RRP12: variants seen among roughly 807,000 people sequenced by gnomAD.
The protein encoded by RRP12 is ribosomal RNA processing 12 homolog, also known as RRP12-like protein.
RRP12 carries 78 observed loss-of-function variants against 157.3 expected under a neutral mutation model. The observed-to-expected ratio is 0.50, with a 90% CI of 0.41 to 0.60. The LOEUF (loss-of-function observed/expected upper bound fraction) is 0.60. RRP12 is among the 20% of genes least tolerant of loss of function. RRP12 has a pLI of 0.00. For synonymous variants in RRP12, 726 were observed against 670.9 expected (o/e 1.08, Z -1.27); for missense variants, 1,521 against 1,679.9 (o/e 0.91, Z 1.65).
chr10:97,392,165 T>C (rs1564768775), intron 4 of RRP12, among the ~76,000 whole-genome samples: 2 of 151,966 alleles, frequency 1.3e-5, no homozygotes, highest in African/African-American at 2.4e-5. Context: ...AGAGACAAGG[T>C]TTTGCCATGT....
At chr10:97,367,183 C>T in intron 25 of RRP12, 51 bp from the exon 26 acceptor site, 2 of 1,492,304 alleles carry the variant, frequency 1.3e-6, no homozygotes, top group Non-Finnish European at 9.3e-7. Flanking sequence ...CCATGCTGCG[C>T]CCCCTTTACT....
intron 1 of RRP12, among the ~76,000 whole-genome samples, chr10:97,400,877 G>A (rs565441130): frequency 1.3e-5 from 2 of 152,188 alleles, no homozygotes; most frequent in African/African-American, 4.8e-5. Flanking sequence ...TGACACCCGC[G>A]GTACCTTACA....
chr10:97,389,205 T>G (rs1308110892), intron 6 of RRP12, among the ~76,000 whole-genome samples: 6 of 152,120 alleles, frequency 3.9e-5, no homozygotes, highest in Non-Finnish European at 7.4e-5. Flanking sequence ...GCCATTCTCC[T>G]GCCTCCGCCT....
rs1844606672 is a variant in RRP12 at position 97,385,540 on chromosome 10, A to G, written c.1117-283T>C. 3.3e-5 allele frequency among the ~76,000 whole-genome samples: 5 copies of G among 151,614 alleles called. No homozygotes were observed. In the South Asian group the frequency reaches 1.0e-3, roughly 32 times the overall value. ...CCAGAGGCCTTCTTTGAAAAAAAAA[A>G]ACGTACATTTTGCTAACAATTTGGG... On this transcript the variant is annotated intron_variant, in intron 9 of 33. Transcript: ENST00000370992.
In RRP12 at chr10:97,371,073, G is replaced by A. The variant is rs773341429; in HGVS notation, c.2352C>T (p.Ala784=). The part of the protein sequence containing the change: ...STIRPYLESK[A]HGVQKKAYRV... The stretch of plus-strand genomic sequence containing the variant: ...GGTAGGCCTTCTTCTGCACCCCGTG[G>A]GCCTTGCTCTGGCAGACAGGAACCG... The change falls in exon 21 of 34, where the codon GCC becomes GCT. Residue 784 remains alanine (A), a synonymous_variant. Transcript: ENST00000370992. The A allele has an allele frequency of 1.9e-6, 3 of 1,613,398 alleles. No homozygotes were observed. The highest frequency in any genetic ancestry group is 2.2e-5 in the South Asian group (2 of 90,974).
chr10:97,390,932 A>G, intron 4 of RRP12, 88 bp from the exon 5 acceptor site: 1 of 863,790 alleles, frequency 1.2e-6, no homozygotes, highest in Non-Finnish European at 2.0e-6. Flanking sequence ...GGACAGGGCA[A>G]GGGGCGCTGG....
chr10:97,358,762 C>T, intron 32 of RRP12, 143 bp from the exon 33 acceptor site: 1 of 796,650 alleles, frequency 1.3e-6, no homozygotes, highest in East Asian at 2.5e-5. Flanking sequence ...GAAGGCCATT[C>T]AATAAGGTCC....
At chr10:97,394,609 C>T (rs1027061125) in intron 3 of RRP12, among the ~76,000 whole-genome samples, 14 of 152,082 alleles carry the variant, frequency 9.2e-5, no homozygotes, top group African/African-American at 2.9e-4. Flanking sequence ...AGGCTGGTGT[C>T]GAACTCCTAG....
At chr10:97,362,042 G>A (rs142340104) in intron 30 of RRP12, among the ~76,000 whole-genome samples, 8,125 of 151,550 alleles carry the variant, frequency 0.054, 279 homozygotes, top group Non-Finnish European at 0.063. Context: ...GGGAGGGGGA[G>A]GTTGCAGTGA....
chr10:97,396,330 T>C (rs949697045), intron 2 of RRP12, 29 bp from the exon 3 acceptor site: 1 of 1,574,152 alleles, frequency 6.4e-7, no homozygotes, highest in African/African-American at 1.4e-5. Context: ...GCACTGTGAC[T>C]ATTTTAGACC....
intron 8 of RRP12, among the ~76,000 whole-genome samples, chr10:97,386,205 A>G (rs1844626940): frequency 6.6e-6 from 1 of 152,148 alleles, no homozygotes; most frequent in African/African-American, 2.4e-5. Context: ...AAACATTAAC[A>G]AAATGGTTTT....
At position 97,388,302 on chromosome 10, in the gene RRP12, C is replaced by A; in HGVS notation, c.967G>T (p.Val323Leu). 5.6e-6 allele frequency: 9 copies of A among 1,614,084 alleles called. No individual in the cohort carries two copies. The highest frequency in any genetic ancestry group is 7.6e-6 in the Non-Finnish European group (9 of 1,180,038). The change falls in exon 8 of 34, where the codon GTG becomes TTG. Residue 323 changes from valine (V) to leucine (L), a missense_variant. By Grantham distance (32) the Val-to-Leu change is conservative. Transcript: ENST00000370992. Reference protein sequence around the residue: ...DLLPCFPEGLVKSCSETLLRV... With the variant: ...DLLPCFPEGLLKSCSETLLRV... ...AGGAGAGTCTCACTGCAGCTCTTCA[C>A]CAGGCCTTCCGGGAAGCAGGGCAGC...
rs763888295 is a variant in RRP12, at chr10:97,359,014, C to T, written c.3641-4G>A. On this transcript the variant is annotated splice_polypyrimidine_tract_variant and splice_region_variant and intron_variant, in intron 31 of 33. Coordinates refer to ENST00000370992, the MANE Select transcript of RRP12 (RefSeq NM_015179.4). ...CGATGAATGCCAGAGCCTCCAGCTA[C>T]GGGGAGAACACAGGACCATGAGTCA... 6.3e-5 allele frequency: 102 copies of T among 1,613,100 alleles called. No homozygotes were observed. Among genetic ancestry groups the T allele is most frequent in the East Asian group, 3.6e-4 (16 of 44,860 alleles).
intron 18 of RRP12, 116 bp downstream of exon 18, chr10:97,372,930 A>T: frequency 7.0e-7 from 1 of 1,433,808 alleles, no homozygotes; most frequent in Non-Finnish European, 9.6e-7. Flanking sequence ...GACTGCTGGT[A>T]TGTGCTCCAA....
At chr10:97,356,358 G>A (rs1275602247), downstream of RRP12, 1 of 152,272 alleles carries the variant, frequency 6.6e-6, no homozygotes, top group Non-Finnish European at 1.5e-5. Context: ...ACACGGAGGT[G>A]AATGAACAAG....
In RRP12 at chr10:97,385,188, T is replaced by C. The variant is rs779990783; in HGVS notation, c.1186A>G (p.Lys396Glu). The C allele has an allele frequency of 2.5e-6, 4 of 1,613,990 alleles. No homozygotes were observed. The Admixed American group carries it at 6.7e-5, about 27-fold the overall frequency. The change falls in exon 10 of 34, where the codon AAA (lysine) becomes GAA (glutamate). Residue 396 changes from lysine to glutamate, a missense_variant. Transcript: ENST00000370992. ...PLLAWLKVME[K>E]AHINLVRLQW... ...TACCTCACCAGGTTGATGTGGGCTT[T>C]CTCCATGACCTTAAGCCAGGCTAGC...
chr10:97,392,521 G>A (rs1243923370), intron 4 of RRP12, among the ~76,000 whole-genome samples: 1 of 150,878 alleles, frequency 6.6e-6, no homozygotes, highest in Non-Finnish European at 1.5e-5. Context: ...GGCTAATTTT[G>A]TATTTTTAGT....
At chr10:97,367,382 C>T in intron 25 of RRP12, 1 of 567,494 alleles carries the variant, frequency 1.8e-6, no homozygotes, top group Middle Eastern at 4.8e-4. Flanking sequence ...GTCTTCTCAA[C>T]AGCACTTGGT....
At chr10:97,379,556 G>A (rs1460965211) in intron 14 of RRP12, 72 bp downstream of exon 14, 1 of 1,596,738 alleles carries the variant, frequency 6.3e-7, no homozygotes, top group Non-Finnish European at 8.6e-7. Context: ...TTAGCCCACA[G>A]CAGCAGACAT....
Sources: allele counts gnomAD v4.1 joint callset (sites outside exome capture counted in the v4.1 genomes callset), GRCh38; gene constraint gnomAD v4.1.1; transcripts MANE v1.5; gene names NCBI Gene and HGNC (gene_info 2026-07-23, HGNC 2026-07-21).